UGGT2: variants seen among roughly 807,000 people sequenced by gnomAD.
UGGT2 encodes the protein UDP-glucose:glycoprotein glucosyltransferase 2.
A neutral mutation model predicts 192.1 loss-of-function variants in UGGT2; 180 were observed. The ratio of observed to expected loss-of-function variants is 0.94; its 90% CI spans 0.83 to 1.06. The LOEUF (loss-of-function observed/expected upper bound fraction) is 1.06. UGGT2 is among the 50% of genes least tolerant of loss of function. UGGT2 has a pLI of 0.00. For missense variants in UGGT2, 1,849 were observed against 1,795.7 expected, an observed-to-expected ratio of 1.03 and a Z score of -0.54; for synonymous variants, 580 against 591.0, an observed-to-expected ratio of 0.98 and a Z score of 0.27.
intron 1 of UGGT2, among the ~76,000 whole-genome samples, chr13:96,038,956 G>A (rs1347944032): frequency 6.6e-6 from 1 of 152,162 alleles, no homozygotes; most frequent in African/African-American, 2.4e-5. Context: ...CTGTCCACCT[G>A]TGAAACTAGA....
intron 36 of UGGT2, among the ~76,000 whole-genome samples, chr13:95,837,881 C>A (rs998173528): frequency 2.7e-5 from 4 of 150,616 alleles, no homozygotes; most frequent in African/African-American, 7.3e-5. Flanking sequence ...TGCTGGTTGT[C>A]CTACATAAGC....
At chr13:95,935,194 T>C (rs1338040726) in intron 17 of UGGT2, among the ~76,000 whole-genome samples, 2 of 152,206 alleles carry the variant, frequency 1.3e-5, no homozygotes, top group Non-Finnish European at 2.9e-5. Flanking sequence ...CCATTTATAT[T>C]CAAGGTTAAT....
At chr13:95,858,059 G>C (rs1889787901) in intron 33 of UGGT2, among the ~76,000 whole-genome samples, 1 of 150,858 alleles carries the variant, frequency 6.6e-6, no homozygotes, top group Non-Finnish European at 1.5e-5. Context: ...TGGTGGTGGA[G>C]GGCAAATGGG....
intron 7 of UGGT2, 47 bp from the exon 8 acceptor site, chr13:95,990,120 A>G: frequency 8.3e-7 from 1 of 1,211,716 alleles, no homozygotes; most frequent in South Asian, 1.6e-5. Context: ...CCTATCACAA[A>G]CCATTATACA....
At chr13:96,002,062 T>C (rs2051824319) in intron 5 of UGGT2, among the ~76,000 whole-genome samples, 1 of 152,188 alleles carries the variant, frequency 6.6e-6, no homozygotes, top group Non-Finnish European at 1.5e-5. Flanking sequence ...TAAGTTTTAG[T>C]GGAGTCCAAA....
Position 95,864,267 on chromosome 13 carries a change from T to C in UGGT2, c.3559-553A>G, listed in dbSNP as rs558813742. ...TGATTTCCTTCTACCTCCCAACTTA[T>C]ATTAAACCTTGACTTTAGCATTTGT... On this transcript the variant is annotated intron_variant, in intron 30 of 38. Coordinates refer to ENST00000376747, the MANE Select transcript of UGGT2 (RefSeq NM_020121.4). 2.2e-4 allele frequency among the ~76,000 whole-genome samples: 33 copies of C among 152,318 alleles called. 1 individual carries two copies. Among genetic ancestry groups the C allele is most frequent in the African/African-American group, 7.5e-4 (31 of 41,586 alleles).
At chr13:95,938,172 G>A (rs893945587) in intron 16 of UGGT2, among the ~76,000 whole-genome samples, 1 of 152,108 alleles carries the variant, frequency 6.6e-6, no homozygotes, top group Non-Finnish European at 1.5e-5. Context: ...TTTCTAAATT[G>A]CCCAGTCTCA....
At chr13:95,899,822 A>G (rs2048051066) in intron 22 of UGGT2, among the ~76,000 whole-genome samples, 1 of 152,192 alleles carries the variant, frequency 6.6e-6, no homozygotes, top group South Asian at 2.1e-4. Context: ...ACTTTTTACA[A>G]TAAATGGCAG....
chr13:95,932,908 A>G (rs925138227), intron 17 of UGGT2, among the ~76,000 whole-genome samples: 2 of 152,214 alleles, frequency 1.3e-5, no homozygotes, highest in Non-Finnish European at 2.9e-5. Context: ...GTTAATGTTG[A>G]ACCAACCTTT....
At chr13:95,949,764 T>C (rs180942166) in intron 12 of UGGT2, among the ~76,000 whole-genome samples, 3 of 152,330 alleles carry the variant, frequency 2.0e-5, no homozygotes, top group East Asian at 3.9e-4. Context: ...AGATGAATAT[T>C]TATTTTAATT....
chr13:95,851,114 G>A (rs938225984), intron 36 of UGGT2, among the ~76,000 whole-genome samples: 1 of 152,156 alleles, frequency 6.6e-6, no homozygotes, highest in Non-Finnish European at 1.5e-5. Flanking sequence ...GGTCCTGAGA[G>A]TACTTCCTAA....
chr13:95,880,827 T>G (rs1053554235), intron 27 of UGGT2, among the ~76,000 whole-genome samples: 35 of 150,276 alleles, frequency 2.3e-4, no homozygotes, highest in Admixed American at 5.3e-4. Flanking sequence ...TAATCTCTAC[T>G]GTGCTTAATT....
In UGGT2 at chr13:95,838,931, G is replaced by A. The variant is rs143698493; in HGVS notation, c.4285-1729C>T. The stretch of plus-strand genomic sequence containing the variant: ...GATATCAATATCCTTTGACCCCTTG[G>A]AACCTCCAATCAACTGATTTTACCA... On this transcript the variant is annotated intron_variant, in intron 36 of 38. Transcript: ENST00000376747. Among the ~76,000 whole-genome samples the A allele has an allele frequency of 7.9e-3, 1,195 of 152,022 alleles. 11 individuals carry two copies. Among genetic ancestry groups the A allele is most frequent in the Admixed American group, 0.02 (305 of 15,260 alleles).
At chr13:95,846,950 T>C (rs1398812661) in intron 36 of UGGT2, among the ~76,000 whole-genome samples, 1 of 152,114 alleles carries the variant, frequency 6.6e-6, no homozygotes, top group Non-Finnish European at 1.5e-5. Flanking sequence ...ACCTTTTTTT[T>C]TCTGATCAGT....
chr13:95,944,725 C>A (rs968188637), intron 15 of UGGT2, among the ~76,000 whole-genome samples: 2 of 151,922 alleles, frequency 1.3e-5, no homozygotes, highest in South Asian at 2.1e-4. Flanking sequence ...TCTTTTAACT[C>A]CTTTTCTAAC....
intron 5 of UGGT2, among the ~76,000 whole-genome samples, chr13:96,005,926 C>T (rs1305598983): frequency 1.3e-5 from 2 of 152,166 alleles, no homozygotes; most frequent in Admixed American, 6.5e-5. Flanking sequence ...CCCAACCCAA[C>T]TCCTGACCAG....
chr13:95,958,120 G>A (rs912704441), intron 12 of UGGT2, among the ~76,000 whole-genome samples: 7 of 151,876 alleles, frequency 4.6e-5, no homozygotes, highest in Non-Finnish European at 1.0e-4. Flanking sequence ...CGTTTCTTTC[G>A]GGCTGCTATA....
intron 38 of UGGT2, among the ~76,000 whole-genome samples, chr13:95,831,339 C>A (rs1000108226): frequency 6.6e-6 from 1 of 152,040 alleles, no homozygotes; most frequent in Admixed American, 6.6e-5. Context: ...TATCTATACA[C>A]AAACACATAC....
chr13:95,893,129 C>T (rs2047849392), intron 24 of UGGT2, among the ~76,000 whole-genome samples: 1 of 152,112 alleles, frequency 6.6e-6, no homozygotes, highest in African/African-American at 2.4e-5. Context: ...TACTCCTACT[C>T]TTTCTCCTTT....
Sources: allele counts gnomAD v4.1 joint callset (sites outside exome capture counted in the v4.1 genomes callset), GRCh38; gene constraint gnomAD v4.1.1; transcripts MANE v1.5; gene names NCBI Gene and HGNC (gene_info 2026-07-23, HGNC 2026-07-21).